FAF1: variants seen among roughly 807,000 people sequenced by gnomAD.
The protein encoded by FAF1 is Fas associated factor 1.
FAF1 carries 25 observed loss-of-function variants against 92.5 expected under a neutral mutation model. The observed-to-expected ratio is 0.27, with a 90% CI of 0.20 to 0.38. The LOEUF is 0.38. Ranked by LOEUF, FAF1 falls within the 10% of genes least tolerant of loss-of-function variation. FAF1 has a pLI of 1.00. For synonymous variants in FAF1, 234 were observed against 273.2 expected, an observed-to-expected ratio of 0.86 and a Z score of 1.42; for missense variants, 636 against 793.3, an observed-to-expected ratio of 0.80 and a Z score of 2.38.
chr1:50,684,788 G>C (rs1404292610), intron 7 of FAF1, among the ~76,000 whole-genome samples: 2 of 152,114 alleles, frequency 1.3e-5, no homozygotes, highest in African/African-American at 2.4e-5. Flanking sequence ...ACGTGATATA[G>C]ATTGGTTTAA....
At chr1:50,468,006 C>T (rs1017817252) in intron 18 of FAF1, among the ~76,000 whole-genome samples, 20 of 152,074 alleles carry the variant, frequency 1.3e-4, no homozygotes, top group Non-Finnish European at 8.8e-5. Flanking sequence ...CCCAGGAGTT[C>T]GAGACTAGTC....
At chr1:50,908,865 C>G (rs1001479356) in intron 1 of FAF1, among the ~76,000 whole-genome samples, 28 of 152,088 alleles carry the variant, frequency 1.8e-4, no homozygotes, top group Non-Finnish European at 3.5e-4. Flanking sequence ...GAGCATTTAG[C>G]CCATTTACAT....
rs1646136697 is a variant in FAF1 at position 50,437,351 on chromosome 1, C to T, written c.*4089G>A. Reference sequence around the variant, plus strand: ...ACTGAGAATCTGATGAATACAGATTCCCTTTCCAGGAAAATACATGTTTAA... The same window carrying T: ...ACTGAGAATCTGATGAATACAGATTTCCTTTCCAGGAAAATACATGTTTAA... On this transcript the variant is annotated 3_prime_UTR_variant, in exon 19 of 19. Coordinates refer to ENST00000396153, the MANE Select transcript of FAF1 (RefSeq NM_007051.3). 1 of 151,360 alleles carries T rather than the reference C, an allele frequency of 6.6e-6. No individual in the cohort carries two copies. Among genetic ancestry groups the T allele is most frequent in the African/African-American group, 2.4e-5 (1 of 41,204 alleles). 9.4% of individuals were successfully genotyped at this position (151,360 alleles called of 1,614,324 possible). A position where few individuals can be genotyped will look rare whatever the true frequency, so the allele number is the denominator to read the frequency against.
At chr1:50,854,920 T>C (rs1000424893) in intron 2 of FAF1, among the ~76,000 whole-genome samples, 1 of 151,588 alleles carries the variant, frequency 6.6e-6, no homozygotes, top group African/African-American at 2.4e-5. Flanking sequence ...CGATGGAACA[T>C]TTTGGATGAT....
chr1:50,482,278 ATGT>A (rs1171168785), intron 17 of FAF1, among the ~76,000 whole-genome samples: 5 of 152,288 alleles, frequency 3.3e-5, no homozygotes, highest in Non-Finnish European at 7.4e-5. Flanking sequence ...AGATTCATCC[ATGT>A]TGTTGAATAT....
chr1:50,666,876 C>G (rs930098880), intron 7 of FAF1, among the ~76,000 whole-genome samples: 3 of 152,188 alleles, frequency 2.0e-5, no homozygotes, highest in African/African-American at 7.2e-5. Context: ...CAGAGTGAGA[C>G]TCCATCTCAA....
intron 8 of FAF1, among the ~76,000 whole-genome samples, chr1:50,609,936 G>A (rs1652613584): frequency 6.6e-6 from 1 of 152,018 alleles, no homozygotes; most frequent in Non-Finnish European, 1.5e-5. Flanking sequence ...AGCTTCTATA[G>A]CCAGGAAATT....
At chr1:50,783,357 G>A (rs980725461) in intron 4 of FAF1, among the ~76,000 whole-genome samples, 40 of 152,108 alleles carry the variant, frequency 2.6e-4, no homozygotes, top group African/African-American at 9.4e-4. Context: ...CTTCTTTCAC[G>A]AGGCCAGCAT....
At chr1:50,656,647 C>CCGAGGTGGGCAGATCACTTGAGGT (rs1286138179) in intron 7 of FAF1, among the ~76,000 whole-genome samples, 1 of 152,040 alleles carries the variant, frequency 6.6e-6, no homozygotes, top group Non-Finnish European at 1.5e-5. Context: ...CTTTGGGAGG[C>CCGAGGTGGGCAGATCACTTGAGGT]CGAGGTGGGC....
intron 12 of FAF1, among the ~76,000 whole-genome samples, chr1:50,577,570 TG>T (rs1650810697): frequency 6.6e-6 from 1 of 152,186 alleles, no homozygotes; most frequent in East Asian, 1.9e-4. Flanking sequence ...ATCTTTCCCC[TG>T]AACTTCTAAG....
chr1:50,505,340 T>A (rs1028319973), intron 15 of FAF1, among the ~76,000 whole-genome samples: 3 of 152,122 alleles, frequency 2.0e-5, no homozygotes, highest in Non-Finnish European at 4.4e-5. Flanking sequence ...AGAAAGGCAA[T>A]AGAGAGAGAC....
chr1:50,868,670 G>C (rs1169936778), intron 1 of FAF1, among the ~76,000 whole-genome samples: 1 of 152,030 alleles, frequency 6.6e-6, no homozygotes, highest in African/African-American at 2.4e-5. Context: ...CCCATGTGTT[G>C]TATTTGGAAG....
At chr1:50,928,747 G>T (rs975371464) in intron 1 of FAF1, among the ~76,000 whole-genome samples, 23 of 130,430 alleles carry the variant, frequency 1.8e-4, no homozygotes, top group African/African-American at 6.8e-4. Context: ...CACGCCATTG[G>T]ACTCCAGCCC....
intron 18 of FAF1, among the ~76,000 whole-genome samples, chr1:50,460,826 G>C (rs1455429559): frequency 1.3e-5 from 2 of 152,016 alleles, no homozygotes; most frequent in East Asian, 3.9e-4. Flanking sequence ...GTGTGTGTGT[G>C]TGTGTGTGCA....
intron 1 of FAF1, among the ~76,000 whole-genome samples, chr1:50,875,333 A>G (rs1644561804): frequency 6.6e-6 from 1 of 152,204 alleles, no homozygotes. Flanking sequence ...ATATGTATAC[A>G]TTGTAGAATG....
chr1:50,679,419 A>G (rs1656325662), intron 7 of FAF1, among the ~76,000 whole-genome samples: 1 of 151,872 alleles, frequency 6.6e-6, no homozygotes, highest in Non-Finnish European at 1.5e-5. Context: ...CCTATTAAAT[A>G]GATGGCATTA....
intron 15 of FAF1, among the ~76,000 whole-genome samples, chr1:50,529,207 T>C (rs1474133137): frequency 6.6e-6 from 1 of 152,206 alleles, no homozygotes; most frequent in Admixed American, 6.5e-5. Context: ...CATCATTACT[T>C]TTATGTTTCA....
intron 18 of FAF1, chr1:50,451,929 G>A: frequency 8.9e-7 from 1 of 1,119,086 alleles, no homozygotes; most frequent in Middle Eastern, 4.1e-4. Context: ...CACTGTCGGG[G>A]ACACCCTGGG....
chr1:50,762,580 G>A (rs941833689), intron 4 of FAF1, among the ~76,000 whole-genome samples: 5 of 152,134 alleles, frequency 3.3e-5, no homozygotes, highest in African/African-American at 1.2e-4. Flanking sequence ...AGAAAAACAA[G>A]CAATGGAGAA....
Sources: allele counts gnomAD v4.1 joint callset (sites outside exome capture counted in the v4.1 genomes callset), GRCh38; gene constraint gnomAD v4.1.1; transcripts MANE v1.5; gene names NCBI Gene and HGNC (gene_info 2026-07-23, HGNC 2026-07-21).